BICD1: variants seen among roughly 807,000 people sequenced by gnomAD.
BICD1 encodes protein bicaudal D homolog 1.
Under a neutral mutation model 92.5 loss-of-function variants are expected in BICD1, and 35 were observed. The ratio of observed to expected loss-of-function variants is 0.38; its 90% CI spans 0.29 to 0.50. BICD1 has a LOEUF of 0.50. BICD1 is among the 20% of genes least tolerant of loss of function. BICD1 has a pLI of 0.93. For missense variants in BICD1, 950 were observed against 1,189.8 expected (o/e 0.80, Z 2.97); for synonymous variants, 429 against 465.1 (o/e 0.92, Z 1.00).
At chr12:32,198,671 T>C (rs539250900) in intron 1 of BICD1, among the ~76,000 whole-genome samples, 1 of 152,018 alleles carries the variant, frequency 6.6e-6, no homozygotes, top group East Asian at 1.9e-4. Flanking sequence ...TCTGGCTGTT[T>C]GTACACAAGA....
chr12:32,195,090 C>A (rs1228580646), intron 1 of BICD1, among the ~76,000 whole-genome samples: 267 of 117,318 alleles, frequency 2.3e-3, no homozygotes, highest in Admixed American at 2.7e-3. Flanking sequence ...AGAGTGAGAC[C>A]AAAAAAAAAA....
intron 2 of BICD1, among the ~76,000 whole-genome samples, chr12:32,221,235 A>G (rs549565916): frequency 3.3e-5 from 5 of 151,832 alleles, no homozygotes; most frequent in East Asian, 1.9e-4. Flanking sequence ...CTAAAACTTT[A>G]AGTATAATAA....
intron 3 of BICD1, among the ~76,000 whole-genome samples, chr12:32,301,374 G>T (rs1948039039): frequency 6.6e-6 from 1 of 152,140 alleles, no homozygotes; most frequent in Non-Finnish European, 1.5e-5. Flanking sequence ...GTGTGGGAAA[G>T]GTTGTTTGCT....
intron 8 of BICD1, among the ~76,000 whole-genome samples, chr12:32,360,631 A>AT (rs1023549436): frequency 1.3e-4 from 19 of 151,610 alleles, no homozygotes; most frequent in East Asian, 3.9e-4. Flanking sequence ...TTAACCAGGC[A>AT]TTTTTTTTTA....
chr12:32,239,267 A>G (rs1476787139), intron 2 of BICD1, among the ~76,000 whole-genome samples: 3 of 139,414 alleles, frequency 2.2e-5, no homozygotes, highest in East Asian at 2.2e-4. Flanking sequence ...AAAAAAAAAG[A>G]AAAGAAAGGA....
At chr12:32,268,870 G>A (rs1290063015) in intron 2 of BICD1, among the ~76,000 whole-genome samples, 3 of 152,208 alleles carry the variant, frequency 2.0e-5, no homozygotes, top group African/African-American at 7.2e-5. Context: ...CTAATTTCTG[G>A]ACATTGAATA....
chr12:32,238,471 A>G (rs1946137506), intron 2 of BICD1, among the ~76,000 whole-genome samples: 1 of 152,228 alleles, frequency 6.6e-6, no homozygotes, highest in South Asian at 2.1e-4. Context: ...ATGACACCAT[A>G]GGATTTAGAA....
intron 8 of BICD1, among the ~76,000 whole-genome samples, chr12:32,365,722 G>A (rs1168772410): frequency 2.0e-5 from 3 of 152,150 alleles, no homozygotes; most frequent in African/African-American, 4.8e-5. Context: ...ATTAGTCTAA[G>A]ACATTCCTAA....
Position 32,328,411 on chromosome 12 carries a change from AAGAG to A in BICD1, c.1957_1960del (p.Arg653GlnfsTer6). 1.2e-6 allele frequency: 2 copies of A among 1,614,236 alleles called. No homozygotes were observed. Among genetic ancestry groups the A allele is most frequent in the Non-Finnish European group, 1.7e-6 (2 of 1,180,038 alleles). On this transcript the variant is annotated frameshift_variant, in exon 5 of 10. Coordinates refer to ENST00000652176, the MANE Select transcript of BICD1 (RefSeq NM_001714.4). LOFTEE classifies it high-confidence loss of function. The surrounding 1 kb of genome is among the most constrained non-coding windows in gnomAD (Gnocchi z 4.4). ...ACCGGTCCTTGCAACTGTCTCGTCA[AAGAG>A]CAGCGGCTCGGGAGCTAGCCCCCAT...
At chr12:32,316,873 A>T (rs561728975) in intron 4 of BICD1, among the ~76,000 whole-genome samples, 23 of 152,132 alleles carry the variant, frequency 1.5e-4, no homozygotes, top group African/African-American at 4.1e-4. Context: ...ACCCCACAAC[A>T]GTCCCCGGTG....
chr12:32,337,484 C>G lies in BICD1; in HGVS notation c.2253-15C>G. 6.3e-7 allele frequency: 1 copy of G among 1,593,788 alleles called. No homozygotes were observed. Among genetic ancestry groups the G allele is most frequent in the Non-Finnish European group, 8.6e-7 (1 of 1,163,492 alleles). ...CCAAGATTTTCCTCTGACCACTTCTCTGTTTTGGTTCCAGATGTGATGAAT... is the reference window on the plus strand; with the variant it reads ...CCAAGATTTTCCTCTGACCACTTCTGTGTTTTGGTTCCAGATGTGATGAAT... On this transcript the variant is annotated splice_polypyrimidine_tract_variant and intron_variant, in intron 6 of 9. Coordinates refer to ENST00000652176, the MANE Select transcript of BICD1 (RefSeq NM_001714.4). This position sits in a 1 kb window ranked among gnomAD's most constrained non-coding sequence, Gnocchi z 4.7.
At chr12:32,225,630 T>TTTTTTTTTTTTG (rs1945663313) in intron 2 of BICD1, among the ~76,000 whole-genome samples, 1 of 139,210 alleles carries the variant, frequency 7.2e-6, no homozygotes, top group Admixed American at 7.4e-5. Flanking sequence ...TGTTTTTTTT[T>TTTTTTTTTTTTG]TTTTTTTTTT....
chr12:32,265,770 G>A (rs1191612338), intron 2 of BICD1, among the ~76,000 whole-genome samples: 1 of 151,014 alleles, frequency 6.6e-6, no homozygotes, highest in Non-Finnish European at 1.5e-5. Flanking sequence ...TAATTTTTCT[G>A]TGTTGAAGAG....
intron 1 of BICD1, among the ~76,000 whole-genome samples, chr12:32,136,043 G>T (rs1033898926): frequency 2.0e-5 from 3 of 152,120 alleles, no homozygotes; most frequent in Non-Finnish European, 4.4e-5. Flanking sequence ...GGAGTACCTG[G>T]CATATAACTT....
chr12:32,211,881 T>C (rs1046505723), intron 1 of BICD1, among the ~76,000 whole-genome samples: 6 of 152,182 alleles, frequency 3.9e-5, no homozygotes, highest in Admixed American at 3.3e-4. Context: ...TCCAGAGGCC[T>C]TTTAATGGAT....
intron 2 of BICD1, among the ~76,000 whole-genome samples, chr12:32,233,690 G>A (rs1334244821): frequency 6.6e-6 from 1 of 152,046 alleles, no homozygotes; most frequent in Non-Finnish European, 1.5e-5. Flanking sequence ...GCTCAATTTG[G>A]TTTCAAACTT....
intron 1 of BICD1, among the ~76,000 whole-genome samples, chr12:32,162,544 G>A (rs1288678071): frequency 1.3e-5 from 2 of 152,098 alleles, no homozygotes; most frequent in Non-Finnish European, 2.9e-5. Flanking sequence ...TGGCTTTGAG[G>A]AATAAATAAG....
intron 2 of BICD1, among the ~76,000 whole-genome samples, chr12:32,242,051 A>C (rs1946250703): frequency 6.6e-6 from 1 of 150,870 alleles, no homozygotes; most frequent in Non-Finnish European, 1.5e-5. Flanking sequence ...AAACAAACAA[A>C]CAAAAAAACA....
At chr12:32,205,059 A>G (rs1592471348) in intron 1 of BICD1, among the ~76,000 whole-genome samples, 1 of 152,234 alleles carries the variant, frequency 6.6e-6, no homozygotes, top group African/African-American at 2.4e-5. Flanking sequence ...CACACATTCC[A>G]TTAATAAGTA....
Sources: gnomAD v4.1 joint callset for allele counts (sites outside exome capture counted in the v4.1 genomes callset) on GRCh38, gnomAD v4.1.1 for gene constraint, Gnocchi (gnomAD v3.1) non-coding constraint, MANE v1.5 for transcripts, NCBI Gene and HGNC (gene_info 2026-07-23, HGNC 2026-07-21) for gene names.